Variants in DNAH14 observed in about 807,000 individuals in gnomAD.
The protein encoded by DNAH14 is axonemal beta dynein heavy chain 14.
Under a neutral mutation model 520.9 loss-of-function variants are expected in DNAH14, and 478 were observed. The observed-to-expected ratio is 0.92, with a 90% confidence interval of 0.85 to 0.99. The LOEUF (loss-of-function observed/expected upper bound fraction) is 0.99. Ranked by LOEUF, DNAH14 falls within the 50% of genes least tolerant of loss-of-function variation. DNAH14 has a pLI of 0.00. For synonymous variants in DNAH14, 1,581 were observed against 1,757.2 expected, an observed-to-expected ratio of 0.90 and a Z score of 2.51; for missense variants, 4,831 against 5,234.5, an observed-to-expected ratio of 0.92 and a Z score of 2.38.
At chr1:225,252,222 CAG>C (rs1297025811) in intron 43 of DNAH14, 77 bp from the exon 44 acceptor site, 1 of 797,196 alleles carries the variant, frequency 1.3e-6, no homozygotes, top group Non-Finnish European at 2.2e-6. Flanking sequence ...TCAGATCTTT[CAG>C]AGAGAGTTTA....
chr1:225,032,053 T>G (rs974344904), intron 11 of DNAH14, among the ~76,000 whole-genome samples: 2 of 152,066 alleles, frequency 1.3e-5, no homozygotes, highest in African/African-American at 2.4e-5. Context: ...TGTGAGACTC[T>G]TTGGAAAGAC....
At chr1:225,216,817 T>C (rs2089413708) in intron 41 of DNAH14, among the ~76,000 whole-genome samples, 1 of 152,210 alleles carries the variant, frequency 6.6e-6, no homozygotes, top group Admixed American at 6.6e-5. Flanking sequence ...TCAAGGTTTT[T>C]AGCTTCTTTG....
At chr1:225,371,875 A>G (rs2095622471) in intron 77 of DNAH14, among the ~76,000 whole-genome samples, 1 of 152,234 alleles carries the variant, frequency 6.6e-6, no homozygotes, top group South Asian at 2.1e-4. Flanking sequence ...TAAATAAAGA[A>G]TAGCATAAAT....
intron 21 of DNAH14, among the ~76,000 whole-genome samples, chr1:225,089,440 G>A (rs111353306): frequency 0.15 from 4,734 of 31,100 alleles, 147 homozygotes; most frequent in Middle Eastern, 0.2. Context: ...GCAAAACTCC[G>A]TCAAAAAAAA....
intron 21 of DNAH14, among the ~76,000 whole-genome samples, chr1:225,089,368 C>T (rs577701664): frequency 3.4e-4 from 48 of 139,710 alleles, no homozygotes; most frequent in African/African-American, 1.2e-3. Flanking sequence ...CGCTTGAAGC[C>T]GGGAGGCAGA....
At chr1:225,004,071 A>G (rs1032203962) in intron 9 of DNAH14, among the ~76,000 whole-genome samples, 1 of 152,112 alleles carries the variant, frequency 6.6e-6, no homozygotes, top group African/African-American at 2.4e-5. Context: ...TTAATATAGA[A>G]CATCAGGAGG....
At position 225,070,658 on chromosome 1, in the gene DNAH14, G is replaced by A. The variant is rs571313346; in HGVS notation, c.2425-8549G>A. 8.5e-5 allele frequency among the ~76,000 whole-genome samples: 13 copies of A among 152,266 alleles called. No homozygotes were observed. In the South Asian group the frequency reaches 1.4e-3, roughly 17 times the overall value. On this transcript the variant is annotated intron_variant, in intron 17 of 85. Coordinates refer to ENST00000682510, the MANE Select transcript of DNAH14 (RefSeq NM_001367479.1). The stretch of plus-strand genomic sequence containing the variant: ...ATCTATTTTAGAGTAAGTGCCATGC[G>A]GTGATGAAAAGAAGTATATTCTATT...
At chr1:225,017,873 C>T (rs770267185) in intron 10 of DNAH14, among the ~76,000 whole-genome samples, 7 of 152,126 alleles carry the variant, frequency 4.6e-5, no homozygotes, top group Non-Finnish European at 7.4e-5. Context: ...GCACCACAGC[C>T]AAATACTTGA....
chr1:225,310,593 C>G (rs150623753), intron 60 of DNAH14, among the ~76,000 whole-genome samples: 20 of 152,284 alleles, frequency 1.3e-4, no homozygotes, highest in African/African-American at 4.1e-4. Context: ...TGTTATCTCT[C>G]CCCTAGACCC....
intron 11 of DNAH14, among the ~76,000 whole-genome samples, chr1:225,030,632 A>G (rs1187607817): frequency 6.6e-6 from 1 of 151,954 alleles, no homozygotes; most frequent in Non-Finnish European, 1.5e-5. Flanking sequence ...TGAAAAGACT[A>G]ATCTTCCTCC....
chr1:224,963,539 T>C (rs752437064), intron 4 of DNAH14, among the ~76,000 whole-genome samples: 4 of 152,156 alleles, frequency 2.6e-5, no homozygotes, highest in Non-Finnish European at 5.9e-5. Flanking sequence ...CTTTTTCACT[T>C]ATTAGATTGG....
intron 17 of DNAH14, among the ~76,000 whole-genome samples, chr1:225,074,242 G>A (rs1322784823): frequency 3.3e-5 from 5 of 150,618 alleles, no homozygotes; most frequent in South Asian, 2.1e-4. Flanking sequence ...CTCGTGATCC[G>A]CCTGCCTCGG....
rs1212105597 is a variant in DNAH14 at position 225,030,111 on chromosome 1, C to T, written c.1358+6246C>T. The stretch of plus-strand genomic sequence containing the variant: ...ACAGAAGAAAGTTTGGGAAAGGTCA[C>T]AAATATATGGAAATTAAATAACATA... On this transcript the variant is annotated intron_variant, in intron 11 of 85. Transcript: ENST00000682510. 2.6e-5 allele frequency among the ~76,000 whole-genome samples: 4 copies of T among 151,734 alleles called. No individual in the cohort carries two copies. In the East Asian group the frequency reaches 7.7e-4, roughly 29 times the overall value.
intron 69 of DNAH14, among the ~76,000 whole-genome samples, chr1:225,343,089 G>A (rs1206281894): frequency 2.6e-5 from 4 of 152,094 alleles, no homozygotes; most frequent in African/African-American, 4.8e-5. Context: ...TTTCCCCACC[G>A]GAAGGATGTA....
intron 17 of DNAH14, among the ~76,000 whole-genome samples, chr1:225,061,741 C>G (rs1400482981): frequency 2.0e-5 from 3 of 152,124 alleles, no homozygotes; most frequent in Non-Finnish European, 4.4e-5. Context: ...CTTTCAGCCT[C>G]CTGAATAGCT....
chr1:225,373,864 G>T (rs914304999), intron 77 of DNAH14, among the ~76,000 whole-genome samples: 1 of 151,748 alleles, frequency 6.6e-6, no homozygotes, highest in African/African-American at 2.4e-5. Flanking sequence ...GGTGCCTCAT[G>T]CCTGTAATCT....
intron 46 of DNAH14, among the ~76,000 whole-genome samples, chr1:225,263,968 C>G (rs901508305): frequency 6.6e-6 from 1 of 152,028 alleles, no homozygotes; most frequent in African/African-American, 2.4e-5. Context: ...GTCTGGCATC[C>G]TGGGAATTTG....
At chr1:225,162,645 T>G (rs2081627841) in intron 35 of DNAH14, among the ~76,000 whole-genome samples, 1 of 152,218 alleles carries the variant, frequency 6.6e-6, no homozygotes, top group South Asian at 2.1e-4. Flanking sequence ...ATTTTAACAA[T>G]ATTGATTCTT....
chr1:225,144,763 AT>A (rs1273707435), intron 29 of DNAH14, 135 bp downstream of exon 29: 2 of 700,268 alleles, frequency 2.9e-6, no homozygotes, highest in Non-Finnish European at 4.7e-6. Context: ...TAACTCACAT[AT>A]AATTAATTCA....
Sources: gnomAD v4.1 joint callset for allele counts (sites outside exome capture counted in the v4.1 genomes callset) on GRCh38, gnomAD v4.1.1 for gene constraint, MANE v1.5 for transcripts, NCBI Gene and HGNC (gene_info 2026-07-23, HGNC 2026-07-21) for gene names.